PTPRT: variants seen among roughly 807,000 people sequenced by gnomAD.
PTPRT encodes receptor-type tyrosine-protein phosphatase T.
A neutral mutation model predicts 176.8 loss-of-function variants in PTPRT; 56 were observed. That is an observed-to-expected ratio of 0.32 (90% confidence interval 0.26 to 0.40). The LOEUF is 0.40. Ranked by LOEUF, PTPRT falls within the 10% of genes least tolerant of loss-of-function variation. The pLI, the probability that PTPRT is intolerant of heterozygous loss-of-function variation, is 1.00. For synonymous variants in PTPRT, 783 were observed against 739.0 expected, an observed-to-expected ratio of 1.06 and a Z score of -0.96; for missense variants, 1,540 against 1,908.2, an observed-to-expected ratio of 0.81 and a Z score of 3.60.
chr20:42,737,323 A>C (rs374978527), intron 6 of PTPRT, among the ~76,000 whole-genome samples: 2 of 152,180 alleles, frequency 1.3e-5, no homozygotes, highest in African/African-American at 4.8e-5. Context: ...GATCACTGGC[A>C]ACCAGCAGAA....
intron 11 of PTPRT, among the ~76,000 whole-genome samples, chr20:42,336,361 G>C (rs1409231090): frequency 2.0e-5 from 3 of 152,102 alleles, no homozygotes; most frequent in African/African-American, 7.2e-5. Flanking sequence ...ATTATGTAGT[G>C]ACATTGCCAA....
chr20:42,185,960 G>A (rs370047066), intron 16 of PTPRT, among the ~76,000 whole-genome samples: 62 of 152,182 alleles, frequency 4.1e-4, no homozygotes, highest in African/African-American at 1.5e-3. Context: ...TAGTAGAGGG[G>A]TCAAGTCTTA....
chr20:42,831,100 G>A (rs80334377), intron 2 of PTPRT, among the ~76,000 whole-genome samples: 1 of 152,166 alleles, frequency 6.6e-6, no homozygotes, highest in Non-Finnish European at 1.5e-5. Flanking sequence ...AACAAAGCTG[G>A]AGGTATCATA....
At chr20:43,166,423 C>T (rs1174927881) in intron 1 of PTPRT, among the ~76,000 whole-genome samples, 1 of 152,004 alleles carries the variant, frequency 6.6e-6, no homozygotes, top group African/African-American at 2.4e-5. Flanking sequence ...TGTCTGTCCA[C>T]AATTTTAAAG....
chr20:42,570,008 T>G (rs2145683775), intron 7 of PTPRT, among the ~76,000 whole-genome samples: 1 of 152,306 alleles, frequency 6.6e-6, no homozygotes, highest in East Asian at 1.9e-4. Flanking sequence ...CAACATTTTA[T>G]AGAAAGAATG....
chr20:42,895,638 A>G (rs1394699450), intron 1 of PTPRT, among the ~76,000 whole-genome samples: 2 of 152,242 alleles, frequency 1.3e-5, no homozygotes, highest in African/African-American at 2.4e-5. Context: ...ATTGTTGTAC[A>G]GAAACAATAC....
chr20:42,172,633 A>G (rs1266368646), intron 16 of PTPRT, among the ~76,000 whole-genome samples: 4 of 152,236 alleles, frequency 2.6e-5, no homozygotes, highest in South Asian at 2.1e-4. Flanking sequence ...CCCAATGTTA[A>G]CACTTGTGTA....
At chr20:42,544,529 T>C (rs1797868330) in intron 7 of PTPRT, among the ~76,000 whole-genome samples, 1 of 152,162 alleles carries the variant, frequency 6.6e-6, no homozygotes, top group South Asian at 2.1e-4. Context: ...GTATCAGCAA[T>C]ATGACTGTTT....
chr20:42,289,633 T>C (rs1270603595), intron 12 of PTPRT, among the ~76,000 whole-genome samples: 1 of 152,098 alleles, frequency 6.6e-6, no homozygotes, highest in African/African-American at 2.4e-5. Flanking sequence ...ATAACAGATG[T>C]TGGCAAGGTT....
In PTPRT at chr20:43,160,252, G is replaced by A. The variant is rs542995902; in HGVS notation, c.88+29394C>T. On this transcript the variant is annotated intron_variant, in intron 1 of 30. Coordinates refer to ENST00000373187, the MANE Select transcript of PTPRT (RefSeq NM_007050.6). ...GAGCACCAACTGAGGCCTCACGGAG[G>A]CATCCAACAGCCGGAATAAATCTGA... is the stretch of plus-strand genomic sequence containing the variant. Among the ~76,000 whole-genome samples the A allele has an allele frequency of 5.9e-5, 9 of 152,260 alleles. No homozygotes were observed. The East Asian group carries it at 1.5e-3, about 26-fold the overall frequency.
intron 7 of PTPRT, among the ~76,000 whole-genome samples, chr20:42,674,395 T>C (rs2075463959): frequency 6.6e-6 from 1 of 152,224 alleles, no homozygotes; most frequent in African/African-American, 2.4e-5. Flanking sequence ...ATGGCAACAG[T>C]TTGCAATAGA....
chr20:42,345,814 G>A (rs1294547141), intron 11 of PTPRT, among the ~76,000 whole-genome samples: 1 of 151,918 alleles, frequency 6.6e-6, no homozygotes, highest in Non-Finnish European at 1.5e-5. Context: ...AACTATATAG[G>A]TCACTGTTGA....
At chr20:42,815,324 G>A (rs996083820) in intron 2 of PTPRT, among the ~76,000 whole-genome samples, 41 of 152,140 alleles carry the variant, frequency 2.7e-4, no homozygotes, top group African/African-American at 7.7e-4. Flanking sequence ...GTAGAGGGCT[G>A]AGCTGAAGGA....
chr20:42,913,135 G>T (rs761541199), intron 1 of PTPRT, among the ~76,000 whole-genome samples: 5 of 152,102 alleles, frequency 3.3e-5, no homozygotes. Context: ...TGCTTAAAAA[G>T]GTACCTTACA....
At chr20:42,096,436 C>G (rs1341547930) in intron 27 of PTPRT, among the ~76,000 whole-genome samples, 2 of 152,104 alleles carry the variant, frequency 1.3e-5, no homozygotes, top group Non-Finnish European at 2.9e-5. Context: ...AACCCCATCT[C>G]TACTAAAAAT....
chr20:42,841,194 C>T (rs11908005), intron 2 of PTPRT, among the ~76,000 whole-genome samples: 14 of 152,118 alleles, frequency 9.2e-5, no homozygotes, highest in African/African-American at 3.1e-4. Context: ...ATCAGAGCTC[C>T]GACATTCCAC....
rs147942195 is a variant in PTPRT, at chr20:42,649,591, G to A, written c.1153+28275C>T. On this transcript the variant is annotated intron_variant, in intron 7 of 30. Coordinates refer to ENST00000373187, the MANE Select transcript of PTPRT (RefSeq NM_007050.6). Reference sequence around the variant, plus strand: ...GTGGTGAAAGTCCATCTCTATAAACGTATCCATAGATTCCTCACAGAGAAA... The same window carrying A: ...GTGGTGAAAGTCCATCTCTATAAACATATCCATAGATTCCTCACAGAGAAA... 4.4e-4 allele frequency among the ~76,000 whole-genome samples: 67 copies of A among 152,210 alleles called. No individual in the cohort carries two copies. The East Asian group carries it at 9.9e-3, about 22-fold the overall frequency.
intron 7 of PTPRT, among the ~76,000 whole-genome samples, chr20:42,551,504 A>AT (rs951421030): frequency 7.9e-5 from 12 of 152,158 alleles, no homozygotes; most frequent in East Asian, 3.9e-4. Flanking sequence ...CTAAACAGAG[A>AT]TTTTTTTTGT....
chr20:42,876,282 A>G (rs1378175709), intron 2 of PTPRT, among the ~76,000 whole-genome samples: 1 of 152,212 alleles, frequency 6.6e-6, no homozygotes, highest in African/African-American at 2.4e-5. Flanking sequence ...ATCAATAATA[A>G]TATCAGGTGT....
Sources: allele counts gnomAD v4.1 joint callset (sites outside exome capture counted in the v4.1 genomes callset), GRCh38; gene constraint gnomAD v4.1.1; transcripts MANE v1.5; gene names NCBI Gene and HGNC (gene_info 2026-07-23, HGNC 2026-07-21).